The following PCNX4 variants were observed in gnomAD, a reference collection of about 807,000 sequenced individuals.
PCNX4 encodes pecanex-like protein 4.
Under a neutral mutation model 107.2 loss-of-function variants are expected in PCNX4, and 103 were observed. That is an observed-to-expected ratio of 0.96 (90% CI 0.82 to 1.13). The LOEUF is 1.13. Ranked by LOEUF, PCNX4 falls within the 50% of genes most tolerant of loss-of-function variation. PCNX4 has a pLI of 0.00. For synonymous variants in PCNX4, 541 were observed against 481.7 expected (o/e 1.12, Z -1.61); for missense variants, 1,528 against 1,379.4 (o/e 1.11, Z -1.71).
At chr14:60,131,681 G>A (rs968910261) in intron 10 of PCNX4, among the ~76,000 whole-genome samples, 3 of 152,166 alleles carry the variant, frequency 2.0e-5, no homozygotes, top group Admixed American at 6.5e-5. Flanking sequence ...TGGCTTCTTT[G>A]TGGAAATTGA....
rs1323160771 is a variant in PCNX4, at chr14:60,130,999, A to C, written c.3268-2971A>C. On this transcript the variant is annotated intron_variant, in intron 10 of 10. Transcript: ENST00000406854. ...GCCCCATGATGGGATTAGTGCCCTT[A>C]TAGGAAGAGGAAGAGACACCCACAG... 2.0e-5 allele frequency among the ~76,000 whole-genome samples: 3 copies of C among 151,514 alleles called. No individual in the cohort carries two copies. The East Asian group carries it at 5.8e-4, about 30-fold the overall frequency.
chr14:60,108,336 C>A lies in PCNX4; in HGVS notation c.689+9C>A. 1 of 1,563,412 alleles carries A rather than the reference C, an allele frequency of 6.4e-7. No homozygotes were observed. The highest frequency in any genetic ancestry group is 1.9e-5 in the Admixed American group (1 of 53,752). On this transcript the variant is annotated intron_variant, in intron 2 of 10. Transcript: ENST00000406854. ...GTGGATCTGGCACACAGGTAAAAACCTACCAAATACTTTGTAACTAACTTT... is the reference window on the plus strand; with the variant it reads ...GTGGATCTGGCACACAGGTAAAAACATACCAAATACTTTGTAACTAACTTT...
At chr14:60,097,525 T>A (rs1895447771) in intron 1 of PCNX4, among the ~76,000 whole-genome samples, 1 of 152,236 alleles carries the variant, frequency 6.6e-6, no homozygotes, top group Admixed American at 6.5e-5. Context: ...ATAGCAGGAA[T>A]AACTGTTACT....
At chr14:60,127,406 C>T (rs1896075695) in intron 10 of PCNX4, among the ~76,000 whole-genome samples, 1 of 152,290 alleles carries the variant, frequency 6.6e-6, no homozygotes, top group South Asian at 2.1e-4. Context: ...GAGTAACCAG[C>T]TGGCAATCAG....
chr14:60,098,475 C>T (rs187135590), intron 1 of PCNX4, among the ~76,000 whole-genome samples: 10 of 152,274 alleles, frequency 6.6e-5, no homozygotes, highest in African/African-American at 2.2e-4. Context: ...CTCCAAAAGT[C>T]TTGAATTTGA....
At chr14:60,098,567 T>C (rs1368292759) in intron 1 of PCNX4, among the ~76,000 whole-genome samples, 1 of 152,232 alleles carries the variant, frequency 6.6e-6, no homozygotes, top group African/African-American at 2.4e-5. Flanking sequence ...TTGGGTAGAC[T>C]TTCCTTTGGT....
chr14:60,130,196 C>T (rs2140567288), intron 10 of PCNX4, among the ~76,000 whole-genome samples: 1 of 151,748 alleles, frequency 6.6e-6, no homozygotes, highest in South Asian at 2.1e-4. Context: ...CAAAATTATC[C>T]ATACATGGTG....
Position 60,115,955 on chromosome 14 carries a change from A to G in PCNX4, c.1473A>G (p.Thr491=). 6.2e-7 allele frequency: 1 copy of G among 1,611,168 alleles called. No individual in the cohort carries two copies. The highest frequency in any genetic ancestry group is 1.7e-5 in the Admixed American group (1 of 59,732). The change falls in exon 6 of 11, where the codon ACA becomes ACG. Residue 491 remains threonine (T), a synonymous_variant. Transcript: ENST00000406854. ...GTATACTGCAGGTATGGCAGAATAC[A>G]GAAAATGCTTTATTGGAGACAGTCA... ...TRAFRMVWQN[T]ENALLETVIV... is the part of the protein sequence containing the mutation.
chr14:60,135,570 C>G lies in PCNX4; in HGVS notation c.*1349C>G, dbSNP rs76181737. On this transcript the variant is annotated 3_prime_UTR_variant, in exon 11 of 11. Transcript: ENST00000406854. ...GTAATTATCAGCTTTTTTTTTTTTC[C>G]GAGATGGAATCTCGCTCTGTCACCC... The G allele has an allele frequency of 6.7e-6, 1 of 149,754 alleles. No individual in the cohort carries two copies. The highest frequency in any genetic ancestry group is 1.5e-5 in the Non-Finnish European group (1 of 67,514). 9.3% of individuals were successfully genotyped at this position (149,754 alleles called of 1,614,324 possible).
intron 9 of PCNX4, 32 bp downstream of exon 9, chr14:60,125,283 C>T: frequency 4.8e-6 from 7 of 1,460,216 alleles, no homozygotes; most frequent in Non-Finnish European, 6.3e-6. Flanking sequence ...TAAGTTATAA[C>T]ATTGTTGGAA....
chr14:60,118,414 A>G lies in PCNX4; in HGVS notation c.1664A>G (p.Lys555Arg), dbSNP rs1330984314. ...GTGCTTTTGACATCATGGACAGAGAAAAAACAACGTCGAAAAACAACTGCC... is the reference window on the plus strand; with the variant it reads ...GTGCTTTTGACATCATGGACAGAGAGAAAACAACGTCGAAAAACAACTGCC... ...VTVLLTSWTEKKQRRKTTATL... is the reference protein window; with the variant it reads ...VTVLLTSWTERKQRRKTTATL... Residue 555 changes from lysine (K) to arginine (R), a missense_variant, in exon 7 of 11, where the codon AAA (lysine) becomes AGA (arginine). Lys to Arg is a conservative substitution (Grantham distance 26, BLOSUM62 2). Transcript: ENST00000406854. 1.9e-6 allele frequency: 3 copies of G among 1,613,502 alleles called. No homozygotes were observed. The highest frequency in any genetic ancestry group is 2.5e-6 in the Non-Finnish European group (3 of 1,179,648).
intron 7 of PCNX4, among the ~76,000 whole-genome samples, chr14:60,119,360 T>G (rs308997): frequency 0.26 from 39,674 of 152,058 alleles, 7,623 homozygotes; most frequent in African/African-American, 0.54. Flanking sequence ...TAAGGTATAA[T>G]TTGATGACAC....
At chr14:60,131,706 A>C (rs1196900553) in intron 10 of PCNX4, among the ~76,000 whole-genome samples, 1 of 152,244 alleles carries the variant, frequency 6.6e-6, no homozygotes, top group African/African-American at 2.4e-5. Flanking sequence ...TTGATTTTCT[A>C]AAATTTATAT....
Position 60,114,859 on chromosome 14 carries a change from A to G in PCNX4, c.849A>G (p.Ser283=), listed in dbSNP as rs1332047750. Residue 283 remains serine, a synonymous_variant, in exon 3 of 11, where the codon TCA becomes TCG. Transcript: ENST00000406854. ...TTTTAGAGTTCGGCCTTGGAGGCTC[A>G]TCTATGTCAACCCACTTACGGTATT... is the stretch of plus-strand genomic sequence containing the variant. The part of the protein sequence containing the change: ...EQVLEFGLGG[S]SMSTHLRLLV... 1.9e-6 allele frequency: 3 copies of G among 1,612,174 alleles called. No homozygotes were observed. Among genetic ancestry groups the G allele is most frequent in the Non-Finnish European group, 1.7e-6 (2 of 1,179,266 alleles).
In PCNX4 at chr14:60,134,471, G is replaced by T; in HGVS notation, c.*250G>T. On this transcript the variant is annotated 3_prime_UTR_variant, in exon 11 of 11. Transcript: ENST00000406854. ...GCCCTCTGGACTTTAGTAGGCTTTGGTAAATGTGAGAAAACTTTTGTAGAA... is the reference window on the plus strand; with the variant it reads ...GCCCTCTGGACTTTAGTAGGCTTTGTTAAATGTGAGAAAACTTTTGTAGAA... The T allele has an allele frequency of 2.5e-6, 1 of 400,788 alleles. No individual in the cohort carries two copies. Among genetic ancestry groups the T allele is most frequent in the Non-Finnish European group, 4.4e-6 (1 of 226,208 alleles). 24.8% of individuals were successfully genotyped at this position (400,788 alleles called of 1,614,324 possible). A position where few individuals can be genotyped will look rare whatever the true frequency, so the allele number is the denominator to read the frequency against.
chr14:60,113,357 CTTATTA>C (rs975522490), intron 2 of PCNX4, among the ~76,000 whole-genome samples: 75 of 152,150 alleles, frequency 4.9e-4, no homozygotes, highest in African/African-American at 1.7e-3. Context: ...CAGAAATTGT[CTTATTA>C]TTATTACTAC....
chr14:60,125,280 TA>T, intron 9 of PCNX4, 29 bp downstream of exon 9: 1 of 1,472,036 alleles, frequency 6.8e-7, no homozygotes. Context: ...ATGTAAGTTA[TA>T]ACATTGTTGG....
At chr14:60,121,464 AGGT>A (rs1363383382) in intron 8 of PCNX4, among the ~76,000 whole-genome samples, 165 bp downstream of exon 8, 1 of 152,172 alleles carries the variant, frequency 6.6e-6, no homozygotes, top group Non-Finnish European at 1.5e-5. Context: ...ACATGTTGAT[AGGT>A]GGACTAATGT....
chr14:60,143,319 A>G lies in PCNX4; in HGVS notation c.*9098A>G, dbSNP rs901712000. ...GACATATGTTATTTTGTGGCATTCT[A>G]GAATTATTCCAATCTTTTCATTCTT... On this transcript the variant is annotated 3_prime_UTR_variant, in exon 11 of 11. Transcript: ENST00000406854. The G allele has an allele frequency of 6.6e-6, 1 of 152,204 alleles. No individual in the cohort carries two copies. The highest frequency in any genetic ancestry group is 1.5e-5 in the Non-Finnish European group (1 of 68,048). 9.4% of individuals were successfully genotyped at this position (152,204 alleles called of 1,614,324 possible). A position where few individuals can be genotyped will look rare whatever the true frequency, so the allele number is the denominator to read the frequency against.
Sources: gnomAD v4.1 joint callset for allele counts (sites outside exome capture counted in the v4.1 genomes callset) on GRCh38, gnomAD v4.1.1 for gene constraint, MANE v1.5 for transcripts, NCBI Gene and HGNC (gene_info 2026-07-23, HGNC 2026-07-21) for gene names.